The following RERE variants were observed in gnomAD, a reference collection of about 807,000 sequenced individuals.
RERE encodes the protein arginine-glutamic acid dipeptide repeats protein.
A neutral mutation model predicts 146.1 loss-of-function variants in RERE; 40 were observed. The observed-to-expected ratio is 0.27, with a 90% CI of 0.21 to 0.36. RERE has a LOEUF of 0.36. Ranked by LOEUF, RERE falls within the 10% of genes least tolerant of loss-of-function variation. The pLI, the probability that RERE is intolerant of heterozygous loss-of-function variation, is 1.00. For missense variants in RERE, 1,933 were observed against 2,138.7 expected (o/e 0.90, Z 1.90); for synonymous variants, 1,003 against 866.0 (o/e 1.16, Z -2.78).
intron 12 of RERE, among the ~76,000 whole-genome samples, chr1:8,411,474 CAG>C (rs1344297757): frequency 2.0e-5 from 3 of 152,092 alleles, no homozygotes; most frequent in Non-Finnish European, 4.4e-5. Context: ...AAATCCACCC[CAG>C]AGGACAGGAC....
intron 12 of RERE, among the ~76,000 whole-genome samples, chr1:8,372,022 C>T (rs1488360149): frequency 1.3e-5 from 2 of 152,194 alleles, no homozygotes; most frequent in African/African-American, 4.8e-5. Context: ...TTTAATTTCC[C>T]ACAGGCAGTG....
chr1:8,613,879 TAA>T (rs200642125), intron 4 of RERE, among the ~76,000 whole-genome samples: 2,304 of 152,162 alleles, frequency 0.015, 59 homozygotes, highest in African/African-American at 0.053. Flanking sequence ...TGAACTTTCC[TAA>T]AAAAAGGGAG....
chr1:8,559,478 T>C (rs181455968), intron 4 of RERE, among the ~76,000 whole-genome samples: 107 of 152,088 alleles, frequency 7.0e-4, no homozygotes, highest in Non-Finnish European at 2.4e-4. Context: ...TATTTATGCA[T>C]TTTATGCCTT....
chr1:8,767,155 G>A (rs1640864733), intron 1 of RERE, among the ~76,000 whole-genome samples: 1 of 152,096 alleles, frequency 6.6e-6, no homozygotes, highest in Non-Finnish European at 1.5e-5. Flanking sequence ...GGGTATCACT[G>A]GCATGTAGCA....
chr1:8,545,663 A>T (rs1407018208), intron 6 of RERE, among the ~76,000 whole-genome samples: 1 of 150,706 alleles, frequency 6.6e-6, no homozygotes, highest in East Asian at 1.9e-4. Context: ...AATAATAAAA[A>T]ATAAATTATT....
At chr1:8,726,017 T>C (rs1457143888) in intron 1 of RERE, among the ~76,000 whole-genome samples, 1 of 152,106 alleles carries the variant, frequency 6.6e-6, no homozygotes, top group Non-Finnish European at 1.5e-5. Flanking sequence ...CCAACAAGAT[T>C]TGAAAACAAA....
At chr1:8,448,194 A>G (rs1198575129) in intron 11 of RERE, among the ~76,000 whole-genome samples, 2 of 152,096 alleles carry the variant, frequency 1.3e-5, no homozygotes, top group Non-Finnish European at 2.9e-5. Flanking sequence ...TTCTTCGATG[A>G]CGTTTCCTAT....
chr1:8,403,915 C>G (rs1354767395), intron 12 of RERE, among the ~76,000 whole-genome samples: 1 of 145,254 alleles, frequency 6.9e-6, no homozygotes, highest in Admixed American at 7.1e-5. Context: ...ACTGCAACCT[C>G]CATCTCGCGG....
At chr1:8,380,776 A>C (rs1209189845) in intron 12 of RERE, 1 of 455,266 alleles carries the variant, frequency 2.2e-6, no homozygotes, top group Non-Finnish European at 4.4e-6. Flanking sequence ...GTGACTTCAG[A>C]CTTGAGCCCA....
chr1:8,528,658 C>A (rs989143345), intron 7 of RERE, among the ~76,000 whole-genome samples: 4 of 152,080 alleles, frequency 2.6e-5, no homozygotes, highest in African/African-American at 9.7e-5. Context: ...AATACTGGAA[C>A]GTTTTAGATT....
intron 13 of RERE, among the ~76,000 whole-genome samples, 184 bp from the exon 14 acceptor site, chr1:8,365,022 C>T (rs1260681695): frequency 1.3e-5 from 2 of 152,184 alleles, no homozygotes; most frequent in African/African-American, 2.4e-5. Flanking sequence ...AGGACCACTT[C>T]GAGCTCCTCA....
intron 12 of RERE, among the ~76,000 whole-genome samples, chr1:8,369,364 A>C (rs1291064752): frequency 6.6e-6 from 1 of 152,160 alleles, no homozygotes; most frequent in Non-Finnish European, 1.5e-5. Context: ...AAAGAAAGAA[A>C]TCTAACATTG....
intron 7 of RERE, among the ~76,000 whole-genome samples, chr1:8,533,801 T>C (rs1208997382): frequency 2.0e-5 from 3 of 152,378 alleles, no homozygotes; most frequent in Admixed American, 6.5e-5. Context: ...TGTTATTCCA[T>C]TACTCCAGGT....
At chr1:8,623,391 C>T (rs1193296167) in intron 3 of RERE, among the ~76,000 whole-genome samples, 11 of 152,156 alleles carry the variant, frequency 7.2e-5, no homozygotes, top group African/African-American at 2.7e-4. Context: ...GCAGAGGCTG[C>T]GGTGAGCCAA....
At position 8,624,324 on chromosome 1, in the gene RERE, G is replaced by C. The variant is rs1365995058; in HGVS notation, c.382C>G (p.Gln128Glu). 6.2e-7 allele frequency: 1 copy of C among 1,610,690 alleles called. No homozygotes were observed. The highest frequency in any genetic ancestry group is 1.7e-5 in the Admixed American group (1 of 60,016). The change falls in exon 3 of 23, where the codon CAA becomes GAA. Residue 128 changes from glutamine (Q) to glutamate (E), a missense_variant. Around this residue, in one of 11 missense-constraint regions of RERE, gnomAD observed 74 missense variants for 99.6 expected, o/e 0.74. Transcript: ENST00000400908. ...AAAACGCTTACCAGTTTGAAGTCTTGAATGCTACAGATGAAATACGGTGTG... is the reference window on the plus strand; with the variant it reads ...AAAACGCTTACCAGTTTGAAGTCTTCAATGCTACAGATGAAATACGGTGTG... ...PNTPYFICSI[Q>E]DFKLVHNSQA... is the part of the protein sequence containing the mutation.
intron 1 of RERE, among the ~76,000 whole-genome samples, chr1:8,813,683 T>C (rs1641857908): frequency 6.7e-6 from 1 of 148,432 alleles, no homozygotes; most frequent in Admixed American, 6.9e-5. Flanking sequence ...GGTGCCAATC[T>C]CAGCTCCCTG....
At chr1:8,678,338 CTTTT>C (rs1638889232) in intron 1 of RERE, among the ~76,000 whole-genome samples, 1 of 152,004 alleles carries the variant, frequency 6.6e-6, no homozygotes, top group South Asian at 2.1e-4. Flanking sequence ...ACTTTTGGGT[CTTTT>C]GTTTTAAAAA....
intron 1 of RERE, among the ~76,000 whole-genome samples, chr1:8,793,174 A>G (rs112471563): frequency 1.3e-3 from 162 of 127,080 alleles, no homozygotes; most frequent in African/African-American, 1.8e-3. Flanking sequence ...AAAAAAAAAA[A>G]AAAGAAAGAA....
Position 8,459,129 on chromosome 1 carries a change from G to A in RERE, c.1203+6796C>T, listed in dbSNP as rs532507904. On this transcript the variant is annotated intron_variant, in intron 11 of 22. Coordinates refer to ENST00000400908, the MANE Select transcript of RERE (RefSeq NM_001042681.2). ...CATACTATTGACTTCTTTAAGCAAGGGTTTGGTTCAAAGGCCGATGGGAAT... is the reference window on the plus strand; with the variant it reads ...CATACTATTGACTTCTTTAAGCAAGAGTTTGGTTCAAAGGCCGATGGGAAT... Among the ~76,000 whole-genome samples the A allele has an allele frequency of 5.9e-5, 9 of 152,184 alleles. No individual in the cohort carries two copies. The East Asian group carries it at 1.7e-3, about 29-fold the overall frequency.
Sources: allele counts gnomAD v4.1 joint callset (sites outside exome capture counted in the v4.1 genomes callset), GRCh38; gene constraint gnomAD v4.1.1; regional missense constraint gnomAD v4.1.1; transcripts MANE v1.5; gene names NCBI Gene and HGNC (gene_info 2026-07-23, HGNC 2026-07-21).